Variants in CAMK1D observed in about 807,000 individuals in gnomAD.
CAMK1D encodes calcium/calmodulin dependent protein kinase ID.
In CAMK1D, 9 loss-of-function variants were observed where a neutral mutation model predicts 47.7. The observed-to-expected ratio is 0.19, with a 90% CI of 0.11 to 0.33. The LOEUF is 0.33. Among genes scored for constraint, CAMK1D ranks in the 10% least tolerant of loss-of-function variants. CAMK1D has a pLI of 1.00. For missense variants in CAMK1D, 291 were observed against 488.7 expected (o/e 0.60, Z 3.81); for synonymous variants, 184 against 184.9 (o/e 0.99, Z 0.04).
intron 3 of CAMK1D, among the ~76,000 whole-genome samples, chr10:12,703,140 T>G (rs74120312): frequency 0.041 from 6,203 of 152,254 alleles, 402 homozygotes; most frequent in African/African-American, 0.14. Flanking sequence ...AGTTGTCAAA[T>G]ACACCCGGGA....
At chr10:12,485,898 C>T (rs367597618) in intron 1 of CAMK1D, among the ~76,000 whole-genome samples, 97 of 152,280 alleles carry the variant, frequency 6.4e-4, no homozygotes, top group African/African-American at 2.3e-3. Context: ...CAAATTCAGC[C>T]CAGAGTGAGT....
chr10:12,596,899 T>G (rs1344243540), intron 2 of CAMK1D, among the ~76,000 whole-genome samples: 1 of 152,136 alleles, frequency 6.6e-6, no homozygotes, highest in Admixed American at 6.5e-5. Flanking sequence ...GTGTCTTTAT[T>G]AACATTCCCA....
chr10:12,444,393 GA>G (rs757349763), intron 1 of CAMK1D, among the ~76,000 whole-genome samples: 1 of 152,172 alleles, frequency 6.6e-6, no homozygotes, highest in Non-Finnish European at 1.5e-5. Flanking sequence ...TGTATATGCT[GA>G]TGTCGATGAA....
At chr10:12,350,503 G>A (rs1793146896) in intron 1 of CAMK1D, among the ~76,000 whole-genome samples, 1 of 152,230 alleles carries the variant, frequency 6.6e-6, no homozygotes, top group Non-Finnish European at 1.5e-5. Context: ...ATTTCACGCG[G>A]GCTCGGCCGC....
intron 3 of CAMK1D, among the ~76,000 whole-genome samples, chr10:12,735,508 T>C: frequency 6.6e-6 from 1 of 152,148 alleles, no homozygotes; most frequent in East Asian, 1.9e-4. Flanking sequence ...TATCTTTTTT[T>C]CAATTCAGGG....
chr10:12,468,592 G>T (rs932223502), intron 1 of CAMK1D, among the ~76,000 whole-genome samples: 2 of 152,170 alleles, frequency 1.3e-5, no homozygotes, highest in Non-Finnish European at 2.9e-5. Context: ...GTAGTAAAAA[G>T]ACTCCTTCAC....
intron 2 of CAMK1D, among the ~76,000 whole-genome samples, chr10:12,648,540 G>T (rs1839873645): frequency 6.6e-6 from 1 of 152,142 alleles, no homozygotes. Context: ...GTGTGATCTT[G>T]ACTCACTGCA....
At chr10:12,738,557 G>A (rs1263237645) in intron 3 of CAMK1D, among the ~76,000 whole-genome samples, 1 of 152,186 alleles carries the variant, frequency 6.6e-6, no homozygotes, top group Non-Finnish European at 1.5e-5. Context: ...TTCTGGCCAG[G>A]TGCAGTGGCT....
intron 1 of CAMK1D, among the ~76,000 whole-genome samples, chr10:12,532,741 C>A (rs929822041): frequency 6.6e-6 from 1 of 152,086 alleles, no homozygotes; most frequent in African/African-American, 2.4e-5. Context: ...TACCTATACA[C>A]AATGGAGTAC....
At chr10:12,478,944 C>G (rs932568732) in intron 1 of CAMK1D, among the ~76,000 whole-genome samples, 4 of 152,214 alleles carry the variant, frequency 2.6e-5, no homozygotes, top group Non-Finnish European at 5.9e-5. Context: ...GGCCCTCTAC[C>G]AAGTGTTTGA....
At chr10:12,517,739 T>C (rs1266861907) in intron 1 of CAMK1D, among the ~76,000 whole-genome samples, 1 of 34,716 alleles carries the variant, frequency 2.9e-5, no homozygotes, top group Non-Finnish European at 6.8e-5. Context: ...TGTGGTGTAT[T>C]TTTTTTTATT....
At chr10:12,789,765 G>A (rs1837895685) in intron 5 of CAMK1D, among the ~76,000 whole-genome samples, 1 of 151,968 alleles carries the variant, frequency 6.6e-6, no homozygotes, top group Admixed American at 6.6e-5. Context: ...GTGAGTGAGT[G>A]AATACATCAT....
intron 3 of CAMK1D, among the ~76,000 whole-genome samples, chr10:12,754,186 C>T (rs1836126679): frequency 6.6e-6 from 1 of 152,158 alleles, no homozygotes; most frequent in African/African-American, 2.4e-5. Flanking sequence ...CCACCACGCC[C>T]AGCCTGCTCC....
rs116971049 is a variant in CAMK1D, at chr10:12,540,414, A to G, written c.93-12811A>G. ...GTGAAGGAGGAAAGGAAGGAGTGCTATTAAACAAAGCGTGTGTTTTAGAGT... is the reference window on the plus strand; with the variant it reads ...GTGAAGGAGGAAAGGAAGGAGTGCTGTTAAACAAAGCGTGTGTTTTAGAGT... On this transcript the variant is annotated intron_variant, in intron 1 of 10. Transcript: ENST00000619168. Among the ~76,000 whole-genome samples, 350 of 152,370 alleles carry G rather than the reference A, an allele frequency of 2.3e-3. 1 individual carries two copies. The highest frequency in any genetic ancestry group is 4.2e-3 in the Non-Finnish European group (284 of 68,044).
intron 2 of CAMK1D, among the ~76,000 whole-genome samples, chr10:12,586,453 G>GAAT (rs1837820303): frequency 9.0e-6 from 1 of 111,722 alleles, no homozygotes; most frequent in African/African-American, 3.3e-5. Context: ...CCTCTCAAAA[G>GAAT]AAAAAAAAAA....
chr10:12,607,780 G>T (rs891256450), intron 2 of CAMK1D, among the ~76,000 whole-genome samples: 9 of 152,098 alleles, frequency 5.9e-5, no homozygotes, highest in African/African-American at 2.2e-4. Context: ...AAGCAACATG[G>T]TAAAACCTTA....
intron 1 of CAMK1D, among the ~76,000 whole-genome samples, chr10:12,350,830 T>G (rs550394768): frequency 1.3e-5 from 2 of 152,200 alleles, no homozygotes; most frequent in African/African-American, 4.8e-5. Context: ...ACAATCAGTA[T>G]TTGCTCTGCA....
rs576389740 is a variant in CAMK1D at position 12,833,625 on chromosome 10, C to T, written c.*4738C>T. The T allele has an allele frequency of 6.6e-6, 1 of 152,322 alleles. No individual in the cohort carries two copies. The highest frequency in any genetic ancestry group is 1.9e-4 in the East Asian group (1 of 5,172). The allele number at this position is 152,322 out of a possible 1,614,324, so 9.4% of individuals were successfully genotyped here. A position where few individuals can be genotyped will look rare whatever the true frequency, so the allele number is the denominator to read the frequency against. ...GCTTCAGCCAGAGCCCTCGCTGCTT[C>T]GCAGAATTTAACAAGCACACGACTG... is the stretch of plus-strand genomic sequence containing the variant. On this transcript the variant is annotated 3_prime_UTR_variant, in exon 11 of 11. Transcript: ENST00000619168.
At chr10:12,431,459 G>A (rs1385559163) in intron 1 of CAMK1D, among the ~76,000 whole-genome samples, 1 of 152,156 alleles carries the variant, frequency 6.6e-6, no homozygotes, top group African/African-American at 2.4e-5. Context: ...GAGAGAGGCC[G>A]ATTCTCAGAC....
Sources: allele counts gnomAD v4.1 joint callset (sites outside exome capture counted in the v4.1 genomes callset), GRCh38; gene constraint gnomAD v4.1.1; transcripts MANE v1.5; gene names NCBI Gene and HGNC (gene_info 2026-07-23, HGNC 2026-07-21).